The following CPED1 variants were observed in gnomAD, a reference collection of about 807,000 sequenced individuals.
CPED1 encodes the protein cadherin like and PC-esterase domain containing 1, also known as cadherin-like and PC-esterase domain-containing protein 1.
A neutral mutation model predicts 128.2 loss-of-function variants in CPED1; 114 were observed. That is an observed-to-expected ratio of 0.89 (90% CI 0.76 to 1.04). The LOEUF (loss-of-function observed/expected upper bound fraction) is 1.04, where lower values mean the gene tolerates loss of function less well. CPED1 is among the 50% of genes least tolerant of loss of function. CPED1 has a pLI of 0.00. For missense variants in CPED1, 1,211 were observed against 1,207.1 expected (o/e 1.00, Z -0.05); for synonymous variants, 462 against 426.7 (o/e 1.08, Z -1.02).
intron 7 of CPED1, among the ~76,000 whole-genome samples, chr7:121,113,897 C>T (rs189363827): frequency 1.1e-4 from 16 of 152,136 alleles, no homozygotes; most frequent in Admixed American, 3.9e-4. Flanking sequence ...TGCACGATCT[C>T]GGCTCACTGC....
At chr7:121,221,989 G>T (rs2116623974) in intron 16 of CPED1, among the ~76,000 whole-genome samples, 1 of 152,194 alleles carries the variant, frequency 6.6e-6, no homozygotes, top group South Asian at 2.1e-4. Context: ...TTTGGCTTTT[G>T]GTGCCATTGC....
chr7:121,037,924 T>C lies in CPED1; in HGVS notation c.434-8963T>C, dbSNP rs112467430. 5.5e-3 allele frequency among the ~76,000 whole-genome samples: 843 copies of C among 152,302 alleles called. 12 individuals are homozygous for C. The highest frequency in any genetic ancestry group is 0.019 in the African/African-American group (806 of 41,576). On this transcript the variant is annotated intron_variant, in intron 3 of 22. Coordinates refer to ENST00000310396, the MANE Select transcript of CPED1 (RefSeq NM_024913.5). Reference sequence around the variant, plus strand: ...ATTTTGAAAGGGGTTGAGTTCTTGATTTGATTCTCAGCTTGGTCACTGTTG... The same window carrying C: ...ATTTTGAAAGGGGTTGAGTTCTTGACTTGATTCTCAGCTTGGTCACTGTTG...
At chr7:121,204,005 C>A (rs956538978) in intron 16 of CPED1, among the ~76,000 whole-genome samples, 4 of 152,030 alleles carry the variant, frequency 2.6e-5, no homozygotes, top group Non-Finnish European at 5.9e-5. Flanking sequence ...TCCCAACCCT[C>A]GCTTTCAGGG....
intron 16 of CPED1, among the ~76,000 whole-genome samples, chr7:121,211,511 G>A (rs1185145568): frequency 6.6e-6 from 1 of 152,132 alleles, no homozygotes; most frequent in African/African-American, 2.4e-5. Context: ...TGTCTTTAAA[G>A]CAGTGTTAGC....
chr7:121,197,415 T>C (rs1160246845), intron 16 of CPED1, among the ~76,000 whole-genome samples: 1 of 152,154 alleles, frequency 6.6e-6, no homozygotes, highest in Non-Finnish European at 1.5e-5. Context: ...GGGCCAACTG[T>C]ACATCAAGCA....
rs536942498 is a variant in CPED1 at position 121,020,697 on chromosome 7, CT to C, written c.433+4851del. ...ATTAAGCACCAAACTGGTTATTCCA[CT>C]TAGCTACTATAATTTAGGCTTAGTT... On this transcript the variant is annotated intron_variant, in intron 3 of 22. Coordinates refer to ENST00000310396, the MANE Select transcript of CPED1 (RefSeq NM_024913.5). 4.6e-5 allele frequency among the ~76,000 whole-genome samples: 7 copies of C among 152,016 alleles called. No homozygotes were observed. The East Asian group carries it at 1.4e-3, about 29-fold the overall frequency.
intron 16 of CPED1, among the ~76,000 whole-genome samples, chr7:121,168,171 C>T (rs937931932): frequency 5.3e-5 from 8 of 152,192 alleles, no homozygotes; most frequent in African/African-American, 1.9e-4. Context: ...GGCTCTCTTA[C>T]TGGTCAGAGG....
chr7:121,021,253 T>C (rs1376955810), intron 3 of CPED1, among the ~76,000 whole-genome samples: 1 of 151,952 alleles, frequency 6.6e-6, no homozygotes, highest in Non-Finnish European at 1.5e-5. Context: ...GTGGAAAATA[T>C]AAAAAGGAAG....
At chr7:121,146,161 G>A (rs905115351) in intron 16 of CPED1, among the ~76,000 whole-genome samples, 2 of 151,966 alleles carry the variant, frequency 1.3e-5, no homozygotes, top group African/African-American at 2.4e-5. Flanking sequence ...TCAAAGCACC[G>A]GCCTTTGGTG....
intron 18 of CPED1, among the ~76,000 whole-genome samples, chr7:121,251,459 T>G (rs1304489699): frequency 6.6e-6 from 1 of 152,100 alleles, no homozygotes; most frequent in Non-Finnish European, 1.5e-5. Context: ...TTGGAAGTTC[T>G]GGCCAGGGCA....
At chr7:121,106,564 T>A (rs535410944) in intron 7 of CPED1, among the ~76,000 whole-genome samples, 1 of 152,186 alleles carries the variant, frequency 6.6e-6, no homozygotes, top group South Asian at 2.1e-4. Context: ...TCTTCCCTCC[T>A]TCTGGATGCT....
intron 2 of CPED1, among the ~76,000 whole-genome samples, chr7:120,998,581 C>A (rs1487547343): frequency 6.6e-6 from 1 of 152,120 alleles, no homozygotes; most frequent in Non-Finnish European, 1.5e-5. Context: ...AACATTTGGC[C>A]TTCACAAAGT....
chr7:121,257,306 G>A (rs1584637091), intron 18 of CPED1, among the ~76,000 whole-genome samples: 1 of 152,068 alleles, frequency 6.6e-6, no homozygotes, highest in Non-Finnish European at 1.5e-5. Context: ...GACCGTCCAG[G>A]TCACATGCCC....
chr7:121,058,146 T>C (rs1793550753), intron 4 of CPED1, among the ~76,000 whole-genome samples: 1 of 152,090 alleles, frequency 6.6e-6, no homozygotes, highest in African/African-American at 2.4e-5. Flanking sequence ...TACCTGGAGC[T>C]GGGGAAGCTC....
intron 5 of CPED1, among the ~76,000 whole-genome samples, chr7:121,074,509 G>GTTTCTTTTTT (rs1554430602): frequency 1.2e-5 from 1 of 80,838 alleles, no homozygotes; most frequent in Non-Finnish European, 2.3e-5. Context: ...TTTCCTTTGT[G>GTTTCTTTTTT]TTTTTTTTTT....
At chr7:121,272,446 T>G (rs1205178090) in intron 22 of CPED1, among the ~76,000 whole-genome samples, 2 of 152,036 alleles carry the variant, frequency 1.3e-5, no homozygotes, top group Non-Finnish European at 2.9e-5. Context: ...AGTGGAACTT[T>G]ATGGCTCCAA....
At chr7:121,188,823 A>C (rs911419893) in intron 16 of CPED1, among the ~76,000 whole-genome samples, 2 of 152,172 alleles carry the variant, frequency 1.3e-5, no homozygotes, top group Non-Finnish European at 2.9e-5. Context: ...AGTGTGATTG[A>C]GGCTCAGATA....
At chr7:121,144,838 CA>C (rs560805812) in intron 16 of CPED1, among the ~76,000 whole-genome samples, 94 of 151,458 alleles carry the variant, frequency 6.2e-4, no homozygotes, top group African/African-American at 2.0e-3. Flanking sequence ...CAATTAAAAA[CA>C]AAAAAAATTA....
chr7:121,274,291 T>C lies in CPED1; in HGVS notation c.2868+2861T>C, dbSNP rs117949779. Reference sequence around the variant, plus strand: ...TTTTTGAACCATCAGCACTAGAATATTGGCTTATAATTATTACTGATTAAA... The same window carrying C: ...TTTTTGAACCATCAGCACTAGAATACTGGCTTATAATTATTACTGATTAAA... On this transcript the variant is annotated intron_variant, in intron 22 of 22. Coordinates refer to ENST00000310396, the MANE Select transcript of CPED1 (RefSeq NM_024913.5). 3.1e-3 allele frequency among the ~76,000 whole-genome samples: 473 copies of C among 152,258 alleles called. 2 individuals are homozygous for C. Among genetic ancestry groups the C allele is most frequent in the Non-Finnish European group, 4.2e-3 (286 of 68,010 alleles).
Sources: allele counts gnomAD v4.1 joint callset (sites outside exome capture counted in the v4.1 genomes callset), GRCh38; gene constraint gnomAD v4.1.1; transcripts MANE v1.5; gene names NCBI Gene and HGNC (gene_info 2026-07-23, HGNC 2026-07-21).